The following ZNF850 variants were observed in gnomAD, a reference collection of about 807,000 sequenced individuals.
ZNF850 encodes the protein zinc finger protein 850.
Under a neutral mutation model 11.9 loss-of-function variants are expected in ZNF850, and 2 were observed. The observed-to-expected ratio is 0.17, with a 90% CI of 0.07 to 0.53. The LOEUF (loss-of-function observed/expected upper bound fraction) is 0.53, where lower values mean the gene tolerates loss of function less well. ZNF850 is among the 20% of genes least tolerant of loss of function. The probability of loss-of-function intolerance (pLI) is 0.94; values close to 1 mark genes in which losing one functional copy is unlikely to be tolerated. For missense variants in ZNF850, 1,014 were observed against 1,316.4 expected (o/e 0.77, Z 3.55); for synonymous variants, 381 against 443.0 (o/e 0.86, Z 1.76).
chr19:36,753,773 A>G (rs2040468976), intron 4 of ZNF850, among the ~76,000 whole-genome samples: 1 of 152,182 alleles, frequency 6.6e-6, no homozygotes. Context: ...TATATTTGCA[A>G]ATGAGGACCA....
intron 4 of ZNF850, among the ~76,000 whole-genome samples, chr19:36,754,445 T>C (rs530458029): frequency 3.9e-5 from 6 of 152,264 alleles, no homozygotes; most frequent in South Asian, 2.1e-4. Context: ...CAAAAAGATA[T>C]AACAATTCTA....
In ZNF850 at chr19:36,750,117, G is replaced by T; in HGVS notation, c.923C>A (p.Pro308His). The change falls in exon 5 of 5, where the codon CCC (proline) becomes CAC (histidine). Residue 308 changes from proline to histidine, a missense_variant. Pro to His is a moderately conservative substitution (Grantham distance 77). Transcript: ENST00000591344. ...QHQQIHTGEK[P>H]YHCKQCGKSF... ...TTTTCCACATTGCTTACAATGATAG[G>T]GTTTCTCACCAGTGTGAATTTGCTG... 6.5e-7 allele frequency: 1 copy of T among 1,538,612 alleles called. No homozygotes were observed. The highest frequency in any genetic ancestry group is 1.2e-5 in the South Asian group (1 of 84,062).
chr19:36,754,198 A>G (rs2040471717), intron 4 of ZNF850, among the ~76,000 whole-genome samples: 2 of 151,862 alleles, frequency 1.3e-5, no homozygotes, highest in Non-Finnish European at 2.9e-5. Context: ...AAATCCAAAT[A>G]CATCACTAAT....
intron 1 of ZNF850, among the ~76,000 whole-genome samples, chr19:36,771,284 A>G (rs1394286073): frequency 6.6e-6 from 1 of 152,184 alleles, no homozygotes; most frequent in Non-Finnish European, 1.5e-5. Context: ...TTAACTGGGA[A>G]GGGGAGGAAC....
intron 4 of ZNF850, among the ~76,000 whole-genome samples, chr19:36,754,574 G>T (rs531295541): frequency 4.6e-5 from 7 of 151,824 alleles, no homozygotes; most frequent in African/African-American, 1.4e-4. Flanking sequence ...TATTTTTTTT[G>T]AGATGGAGTC....
rs1211452904 is a variant in ZNF850, at chr19:36,748,199, G to A, written c.2841C>T (p.His947=). 1 of 1,553,542 alleles carries A rather than the reference G, an allele frequency of 6.4e-7. No individual in the cohort carries two copies. Among genetic ancestry groups the A allele is most frequent in the Non-Finnish European group, 8.7e-7 (1 of 1,152,254 alleles). ...FSGLTKHHSI[H]TGEKPYECKT... is the part of the protein sequence containing the mutation. ...TACATTCATAGGGTTTCTCGCCAGTGTGAATACTGTGATGTTTGGTGAGTC... is the reference window on the plus strand; with the variant it reads ...TACATTCATAGGGTTTCTCGCCAGTATGAATACTGTGATGTTTGGTGAGTC... Residue 947 remains histidine (H), a synonymous_variant, in exon 5 of 5, where the codon CAC becomes CAT. Transcript: ENST00000591344.
chr19:36,755,552 T>C (rs1346776942), intron 4 of ZNF850, among the ~76,000 whole-genome samples: 2 of 151,750 alleles, frequency 1.3e-5, no homozygotes, highest in African/African-American at 4.8e-5. Flanking sequence ...GTGATGACAA[T>C]AAAAATTGTA....
At chr19:36,756,055 G>A (rs570294027) in intron 4 of ZNF850, among the ~76,000 whole-genome samples, 16 of 151,738 alleles carry the variant, frequency 1.1e-4, no homozygotes, top group Non-Finnish European at 1.5e-4. Context: ...ACAGGCGCCC[G>A]CCATGACACC....
chr19:36,768,680 A>T (rs1272841045), intron 1 of ZNF850, among the ~76,000 whole-genome samples: 1 of 152,126 alleles, frequency 6.6e-6, no homozygotes, highest in East Asian at 1.9e-4. Flanking sequence ...ATGCAGTGAT[A>T]GGCCAGGTGT....
Position 36,748,990 on chromosome 19 carries a change from G to C in ZNF850, c.2050C>G (p.Gln684Glu). The change falls in exon 5 of 5, where the codon CAG (glutamine) becomes GAG (glutamate). Residue 684 changes from glutamine to glutamate, a missense_variant. Physicochemically the swap from Gln to Glu is conservative, Grantham distance 29 (BLOSUM62 2). Transcript: ENST00000591344. ...CGATGTTGATTAAGGTATGTACGCT[G>C]TCTAAAGGCCTTCCCACAGTCCGGA... ...ECPDCGKAFRQRTYLNQHRRI... is the reference protein window; with the variant it reads ...ECPDCGKAFRERTYLNQHRRI... The C allele has an allele frequency of 6.2e-7, 1 of 1,605,404 alleles. No homozygotes were observed. The highest frequency in any genetic ancestry group is 1.7e-4 in the Middle Eastern group (1 of 6,052).
At chr19:36,756,636 CAG>C (rs1297624292) in intron 4 of ZNF850, among the ~76,000 whole-genome samples, 4 of 152,078 alleles carry the variant, frequency 2.6e-5, no homozygotes, top group Non-Finnish European at 5.9e-5. Context: ...CCCCTCAAGA[CAG>C]AGTCTTGCTC....
chr19:36,770,497 G>A (rs1210208803), intron 1 of ZNF850, among the ~76,000 whole-genome samples: 2 of 151,934 alleles, frequency 1.3e-5, no homozygotes, highest in Non-Finnish European at 1.5e-5. Context: ...TCAGGAGTTC[G>A]CGACCAGACT....
At chr19:36,763,851 TTGCTTGAGCCCGGGAGGTCGAGGA>T in intron 1 of ZNF850, among the ~76,000 whole-genome samples, 1 of 151,762 alleles carries the variant, frequency 6.6e-6, no homozygotes, top group Admixed American at 6.6e-5. Context: ...GGTGGGAGGA[TTGCTTGAGCCCGGGAGGTCGAGGA>T]TGCAGTGAGC....
intron 4 of ZNF850, among the ~76,000 whole-genome samples, chr19:36,751,346 T>A (rs2040452923): frequency 6.6e-6 from 1 of 151,970 alleles, no homozygotes; most frequent in South Asian, 2.1e-4. Flanking sequence ...GGAAACATAA[T>A]GACTCAATGC....
chr19:36,768,300 A>G (rs2040560656), intron 1 of ZNF850, among the ~76,000 whole-genome samples: 1 of 152,118 alleles, frequency 6.6e-6, no homozygotes, highest in African/African-American at 2.4e-5. Context: ...CCCTATCTCC[A>G]TAAAATCATC....
chr19:36,754,516 A>C (rs992373973), intron 4 of ZNF850, among the ~76,000 whole-genome samples: 1 of 152,146 alleles, frequency 6.6e-6, no homozygotes, highest in Non-Finnish European at 1.5e-5. Context: ...GAGAAAATAC[A>C]AAAAGTTTAG....
At chr19:36,754,658 C>T (rs1389766490) in intron 4 of ZNF850, among the ~76,000 whole-genome samples, 2 of 152,178 alleles carry the variant, frequency 1.3e-5, no homozygotes, top group East Asian at 1.9e-4. Flanking sequence ...CGAGTTCAAG[C>T]GATTCTCCTG....
intron 4 of ZNF850, among the ~76,000 whole-genome samples, chr19:36,755,784 G>T (rs541394554): frequency 1.3e-5 from 2 of 151,246 alleles, no homozygotes; most frequent in African/African-American, 2.4e-5. Context: ...GAACCAAAAG[G>T]CTTCAAATAC....
At chr19:36,757,580 C>A (rs2040494430) in intron 4 of ZNF850, among the ~76,000 whole-genome samples, 1 of 144,072 alleles carries the variant, frequency 6.9e-6, no homozygotes, top group African/African-American at 2.6e-5. Context: ...GATCTTGGCT[C>A]ACTGCAACCT....
Sources: gnomAD v4.1 joint callset for allele counts (sites outside exome capture counted in the v4.1 genomes callset) on GRCh38, gnomAD v4.1.1 for gene constraint, MANE v1.5 for transcripts, NCBI Gene and HGNC (gene_info 2026-07-23, HGNC 2026-07-21) for gene names.